DNAJC1: variants seen among roughly 807,000 people sequenced by gnomAD.
The protein encoded by DNAJC1 is DnaJ heat shock protein family (Hsp40) member C1.
Under a neutral mutation model 76.6 loss-of-function variants are expected in DNAJC1, and 58 were observed. The observed-to-expected ratio is 0.76, with a 90% confidence interval of 0.61 to 0.94. The LOEUF (loss-of-function observed/expected upper bound fraction) is 0.94. Among genes scored for constraint, DNAJC1 ranks in the 40% least tolerant of loss-of-function variants. The pLI is 0.00. For synonymous variants in DNAJC1, 258 were observed against 267.9 expected (o/e 0.96, Z 0.36); for missense variants, 689 against 677.3 (o/e 1.02, Z -0.19).
chr10:21,820,521 CAT>C (rs1056284211), intron 8 of DNAJC1, among the ~76,000 whole-genome samples: 4 of 152,188 alleles, frequency 2.6e-5, no homozygotes, highest in African/African-American at 7.2e-5. Flanking sequence ...TGACCCACAA[CAT>C]GTGGGGATTT....
rs1291831002 is a variant in DNAJC1 at position 21,929,030 on chromosome 10, T to C, written c.324+10A>G. 6.5e-7 allele frequency: 1 copy of C among 1,539,550 alleles called. No individual in the cohort carries two copies. Among genetic ancestry groups the C allele is most frequent in the African/African-American group, 1.4e-5 (1 of 72,834 alleles). On this transcript the variant is annotated intron_variant, in intron 2 of 11. Transcript: ENST00000376980. The stretch of plus-strand genomic sequence containing the variant: ...CACAAAATATATATATAATAGCATA[T>C]TTCACTTACTTGTCTAAACTGAGTT...
intron 7 of DNAJC1, among the ~76,000 whole-genome samples, chr10:21,893,178 C>T (rs1384464735): frequency 6.6e-6 from 1 of 151,910 alleles, no homozygotes; most frequent in South Asian, 2.1e-4. Flanking sequence ...GAGTATGCTT[C>T]CTAATGAAAA....
At chr10:21,948,091 C>CTT (rs781055896) in intron 1 of DNAJC1, among the ~76,000 whole-genome samples, 19 of 134,830 alleles carry the variant, frequency 1.4e-4, no homozygotes, top group East Asian at 4.3e-4. Context: ...TCCTTGCAGT[C>CTT]TTTTTTTTTT....
At chr10:21,921,087 C>T (rs751012832) in intron 3 of DNAJC1, 124 bp from the exon 4 acceptor site, 4 of 817,330 alleles carry the variant, frequency 4.9e-6, no homozygotes, top group African/African-American at 3.5e-5. Flanking sequence ...TGTTTATGTA[C>T]GTTCCCAGCA....
intron 1 of DNAJC1, among the ~76,000 whole-genome samples, chr10:21,997,926 T>G (rs1220126146): frequency 6.6e-6 from 1 of 152,202 alleles, no homozygotes; most frequent in Admixed American, 6.5e-5. Flanking sequence ...ACTGGCACCA[T>G]GAAGACAAAT....
At position 21,920,906 on chromosome 10, in the gene DNAJC1, G is replaced by C; in HGVS notation, c.429C>G (p.Tyr143Ter). ...LPDWRQPVFY[Y>*]RRVRKMSNAE... Reference sequence around the variant, plus strand: ...CATTGCTCATTTTTCTCACCCGCCTGTAGTAGAATACAGGCTGTCGCCAAT... The same window carrying C: ...CATTGCTCATTTTTCTCACCCGCCTCTAGTAGAATACAGGCTGTCGCCAAT... The change falls in exon 4 of 12, where the codon TAC becomes TAG. Residue 143 changes from tyrosine to a stop codon, truncating the protein, a stop_gained. Transcript: ENST00000376980. LOFTEE classifies it high-confidence loss of function. The C allele has an allele frequency of 6.2e-7, 1 of 1,612,896 alleles. No homozygotes were observed. The highest frequency in any genetic ancestry group is 8.5e-7 in the Non-Finnish European group (1 of 1,179,184).
chr10:21,836,431 A>G (rs948155971), intron 8 of DNAJC1, among the ~76,000 whole-genome samples: 2 of 152,214 alleles, frequency 1.3e-5, no homozygotes, highest in Non-Finnish European at 2.9e-5. Context: ...AACGAGCAAC[A>G]TAACCAGCTA....
intron 8 of DNAJC1, among the ~76,000 whole-genome samples, chr10:21,863,407 G>C (rs1835948191): frequency 6.6e-6 from 1 of 152,036 alleles, no homozygotes; most frequent in Non-Finnish European, 1.5e-5. Flanking sequence ...GAAATGGTCA[G>C]ACCTCTTCAA....
intron 8 of DNAJC1, among the ~76,000 whole-genome samples, chr10:21,846,848 A>G (rs1835667881): frequency 6.6e-6 from 1 of 151,264 alleles, no homozygotes; most frequent in Admixed American, 6.6e-5. Flanking sequence ...AAACATTTCC[A>G]TATCAAAGAT....
At chr10:21,882,141 GA>G in intron 8 of DNAJC1, 140 bp downstream of exon 8, 1 of 779,162 alleles carries the variant, frequency 1.3e-6, no homozygotes, top group African/African-American at 1.9e-5. Context: ...GTGACAGAGC[GA>G]GACTCTGTCT....
In DNAJC1 at chr10:22,003,727, C is replaced by A; in HGVS notation, c.-293G>T. 3.0e-6 allele frequency: 1 copy of A among 331,184 alleles called. No homozygotes were observed. The allele number at this position is 331,184 out of a possible 1,614,324, so 20.5% of individuals were successfully genotyped here. A position where few individuals can be genotyped will look rare whatever the true frequency, so the allele number is the denominator to read the frequency against. ...GGCAGCGCCCGGCGCCTGGGCTGCA[C>A]AGTGGGTGAGGCTTCCCTTCGCCTC... On this transcript the variant is annotated 5_prime_UTR_variant, in exon 1 of 12. Coordinates refer to ENST00000376980, the MANE Select transcript of DNAJC1 (RefSeq NM_022365.4).
chr10:21,970,379 C>T (rs1184516222), intron 1 of DNAJC1, among the ~76,000 whole-genome samples: 1 of 151,862 alleles, frequency 6.6e-6, no homozygotes, highest in East Asian at 1.9e-4. Context: ...TTCCACATTT[C>T]TTAACAGGTA....
intron 2 of DNAJC1, 59 bp from the exon 3 acceptor site, chr10:21,928,611 G>A (rs1837167548): frequency 4.3e-6 from 6 of 1,385,054 alleles, no homozygotes; most frequent in Non-Finnish European, 6.2e-6. Flanking sequence ...AATCACATAG[G>A]AGGGTGAAGG....
intron 7 of DNAJC1, among the ~76,000 whole-genome samples, chr10:21,887,983 C>A (rs958865481): frequency 2.6e-5 from 4 of 152,104 alleles, no homozygotes; most frequent in African/African-American, 9.7e-5. Context: ...GAAAACTCTG[C>A]ATGTGACAAA....
chr10:21,971,878 G>A (rs913542223), intron 1 of DNAJC1, among the ~76,000 whole-genome samples: 1 of 151,882 alleles, frequency 6.6e-6, no homozygotes. Context: ...ATGATTGAAT[G>A]TGTCATGTAA....
chr10:21,813,094 C>CATATAGATATATATATATATAT (rs1451322364), intron 8 of DNAJC1, among the ~76,000 whole-genome samples: 2 of 66,716 alleles, frequency 3.0e-5, no homozygotes, highest in African/African-American at 1.1e-4. Flanking sequence ...TATACACACA[C>CATATAGATATATATATATATAT]ACATATATAT....
intron 1 of DNAJC1, among the ~76,000 whole-genome samples, chr10:21,952,275 AAT>A (rs1837611046): frequency 6.6e-6 from 1 of 152,330 alleles, no homozygotes; most frequent in East Asian, 1.9e-4. Context: ...AACATAAAAC[AAT>A]TATTATCTCA....
chr10:21,836,001 A>T (rs1835447345), intron 8 of DNAJC1, among the ~76,000 whole-genome samples: 1 of 152,182 alleles, frequency 6.6e-6, no homozygotes, highest in South Asian at 2.1e-4. Context: ...CCTTGAGAAG[A>T]CCAACTCCAA....
intron 7 of DNAJC1, among the ~76,000 whole-genome samples, chr10:21,891,491 A>G (rs1394328244): frequency 2.9e-4 from 44 of 150,444 alleles, no homozygotes; most frequent in East Asian, 1.5e-3. Context: ...AAAAAAAAAA[A>G]AAAAGAAAAG....
Sources: allele counts gnomAD v4.1 joint callset (sites outside exome capture counted in the v4.1 genomes callset), GRCh38; gene constraint gnomAD v4.1.1; transcripts MANE v1.5; gene names NCBI Gene and HGNC (gene_info 2026-07-23, HGNC 2026-07-21).